Variants in CORO7 observed in about 807,000 individuals in gnomAD.
The protein encoded by CORO7 is coronin 7, also known as coronin-7.
A neutral mutation model predicts 126.6 loss-of-function variants in CORO7; 107 were observed. That is an observed-to-expected ratio of 0.85 (90% confidence interval 0.72 to 0.99). The LOEUF is 0.99. Ranked by LOEUF, CORO7 falls within the 50% of genes least tolerant of loss-of-function variation. The probability of loss-of-function intolerance (pLI) is 0.00; values close to 1 mark genes in which losing one functional copy is unlikely to be tolerated. For synonymous variants in CORO7, 603 were observed against 536.8 expected, an observed-to-expected ratio of 1.12 and a Z score of -1.70; for missense variants, 1,314 against 1,255.8, an observed-to-expected ratio of 1.05 and a Z score of -0.70.
intron 9 of CORO7, among the ~76,000 whole-genome samples, chr16:4,369,162 G>C (rs2054439715): frequency 6.6e-6 from 1 of 152,272 alleles, no homozygotes; most frequent in Admixed American, 6.5e-5. Context: ...CCTCTGACAG[G>C]TCAGGCCAGT....
intron 6 of CORO7, among the ~76,000 whole-genome samples, chr16:4,404,975 T>C (rs1286478236): frequency 6.6e-5 from 10 of 152,140 alleles, no homozygotes; most frequent in African/African-American, 2.4e-4. Context: ...AGCACCCGCC[T>C]GCCCCGCACC....
At chr16:4,388,122 G>T (rs1444251193) in intron 8 of CORO7, 54 bp from the exon 9 acceptor site, 2 of 1,568,984 alleles carry the variant, frequency 1.3e-6, no homozygotes, top group South Asian at 1.2e-5. Flanking sequence ...AGCCCCACCC[G>T]GGGGGCTCCC....
intron 19 of CORO7, 68 bp downstream of exon 19, chr16:4,360,875 G>A (rs2054154025): frequency 1.8e-5 from 6 of 342,040 alleles, no homozygotes; most frequent in African/African-American, 3.7e-5. Flanking sequence ...CTCACTGCTG[G>A]CCCCACCTCT....
In CORO7 at chr16:4,359,323, G is replaced by A; in HGVS notation, c.2313C>T (p.Asn771=). 6.2e-7 allele frequency: 1 copy of A among 1,611,692 alleles called. No homozygotes were observed. Among genetic ancestry groups the A allele is most frequent in the Non-Finnish European group, 8.5e-7 (1 of 1,179,362 alleles). Residue 771 remains asparagine, a synonymous_variant, in exon 23 of 28, where the codon AAC becomes AAT. Coordinates refer to ENST00000251166, the MANE Select transcript of CORO7 (RefSeq NM_024535.5). Reference sequence around the variant, plus strand: ...TGTGGGGGTCAGGCGACGTGAAGCTGTTGCACTCCAGGAAGAAAGGGGACT... The same window carrying A: ...TGTGGGGGTCAGGCGACGTGAAGCTATTGCACTCCAGGAAGAAAGGGGACT... ...LPESPFFLEC[N]SFTSPDPHKG...
rs535718866 is a variant in CORO7 at position 4,377,914 on chromosome 16, C to G, written c.785+10072G>C. On this transcript the variant is annotated intron_variant, in intron 9 of 27. Transcript: ENST00000251166. The stretch of plus-strand genomic sequence containing the variant: ...CCACAGTCCTGACCTAGACCCCTGT[C>G]CTGCTAACAGGAACGCACATTCCAC... 7.9e-5 allele frequency among the ~76,000 whole-genome samples: 12 copies of G among 152,316 alleles called. 1 individual carries two copies. The South Asian group carries it at 1.9e-3, about 24-fold the overall frequency.
chr16:4,390,592 C>T (rs917305), intron 7 of CORO7, among the ~76,000 whole-genome samples: 115,004 of 152,160 alleles, frequency 0.76, 43,690 homozygotes, highest in Non-Finnish European at 0.79. Context: ...ACGAGGGAGG[C>T]GGAGGCTGGG....
Position 4,380,751 on chromosome 16 carries a change from T to C in CORO7, c.785+7235A>G, listed in dbSNP as rs74003289. The C allele has an allele frequency of 1.4e-4, 162 of 1,157,040 alleles. No individual in the cohort carries two copies. The African/African-American group carries it at 2.2e-3, about 16-fold the overall frequency. 71.7% of individuals were successfully genotyped at this position (1,157,040 alleles called of 1,614,324 possible). A position where few individuals can be genotyped will look rare whatever the true frequency, so the allele number is the denominator to read the frequency against. ...GCACTGGCGACCTGACTCATAACCA[T>C]TGGGTTCTCTTGCATTTGGGGGCAG... is the stretch of plus-strand genomic sequence containing the variant. On this transcript the variant is annotated intron_variant, in intron 9 of 27. Coordinates refer to ENST00000251166, the MANE Select transcript of CORO7 (RefSeq NM_024535.5).
intron 9 of CORO7, among the ~76,000 whole-genome samples, chr16:4,377,022 C>A (rs964043675): frequency 2.0e-5 from 3 of 152,194 alleles, no homozygotes; most frequent in Non-Finnish European, 2.9e-5. Flanking sequence ...ACCCCAGACA[C>A]AGGCACCACG....
chr16:4,359,109 G>T, intron 23 of CORO7, 187 bp downstream of exon 23: 1 of 664,620 alleles, frequency 1.5e-6, no homozygotes, highest in South Asian at 2.0e-5. Flanking sequence ...TATGACAATG[G>T]CTCTCAAAAT....
intron 16 of CORO7, 143 bp from the exon 17 acceptor site, chr16:4,361,612 T>C (rs1255202430): frequency 9.9e-7 from 1 of 1,015,102 alleles, no homozygotes; most frequent in Non-Finnish European, 1.5e-6. Flanking sequence ...CTCTCTGCCC[T>C]GACCACCTTG....
At chr16:4,381,280 C>G (rs374474637) in intron 9 of CORO7, 5 of 1,611,528 alleles carry the variant, frequency 3.1e-6, no homozygotes, top group South Asian at 1.1e-5. Flanking sequence ...GGGCAAGAAC[C>G]GCATCCGCCA....
intron 6 of CORO7, among the ~76,000 whole-genome samples, chr16:4,403,891 AG>A (rs1291967650): frequency 3.3e-5 from 5 of 152,070 alleles, no homozygotes; most frequent in Non-Finnish European, 4.4e-5. Flanking sequence ...CTTCTCAGCC[AG>A]GGCTCATCCC....
At position 4,413,366 on chromosome 16, in the gene CORO7, T is replaced by C. The variant is rs1160442869; in HGVS notation, c.99A>G (p.Ser33=). The C allele has an allele frequency of 6.3e-7, 1 of 1,585,644 alleles. No individual in the cohort carries two copies. The highest frequency in any genetic ancestry group is 1.3e-5 in the African/African-American group (1 of 74,542). ...AGCTTGATTTGATGTGGTTCCTGCA[T>C]GAAGGGGCGGTTCCTGCTCGAATGT... ...ISDIRAGTAP[S]CRNHIKSSCS... Residue 33 remains serine, a synonymous_variant, in exon 2 of 28, where the codon TCA becomes TCG. Coordinates refer to ENST00000251166, the MANE Select transcript of CORO7 (RefSeq NM_024535.5).
chr16:4,362,159 G>T lies in CORO7; in HGVS notation c.1404C>A (p.Gly468=). ...GAGCATGGCGGAACTTGGAACTGGG[G>T]CCTGGCAGGTGGCAGGGACATGGAA... ...PSLRSLQSLL[G]PSSKFRHAQG... Residue 468 remains glycine (G), a splice_region_variant and synonymous_variant, in exon 16 of 28, where the codon GGC becomes GGA. Coordinates refer to ENST00000251166, the MANE Select transcript of CORO7 (RefSeq NM_024535.5). The surrounding 1 kb of genome is among the most constrained non-coding windows in gnomAD (Gnocchi z 5.3). The T allele has an allele frequency of 1.2e-6, 2 of 1,605,642 alleles. No individual in the cohort carries two copies. Among genetic ancestry groups the T allele is most frequent in the Non-Finnish European group, 1.7e-6 (2 of 1,176,882 alleles).
chr16:4,385,888 A>G (rs551767369), intron 9 of CORO7, among the ~76,000 whole-genome samples: 1 of 152,366 alleles, frequency 6.6e-6, no homozygotes, highest in Non-Finnish European at 1.5e-5. Flanking sequence ...GAAAATCTGT[A>G]AAACAGAAGA....
chr16:4,397,464 A>G (rs1185512947), intron 6 of CORO7: 1 of 151,888 alleles, frequency 6.6e-6, no homozygotes, highest in Admixed American at 6.6e-5. Context: ...AAAAAAAAAC[A>G]AAAAAGCTGC....
chr16:4,415,747 C>T, intron 1 of CORO7: 3 of 985,572 alleles, frequency 3.0e-6, no homozygotes, highest in Non-Finnish European at 3.6e-6. Flanking sequence ...GCAGAGCTGA[C>T]ATCGTTTCCA....
intron 6 of CORO7, among the ~76,000 whole-genome samples, chr16:4,405,193 C>A (rs887500733): frequency 1.2e-4 from 18 of 152,322 alleles, no homozygotes; most frequent in African/African-American, 4.1e-4. Context: ...GAAAGGCTGG[C>A]GGTTCAGACA....
chr16:4,360,855 C>T lies in CORO7; in HGVS notation c.1917+88G>A, dbSNP rs545853268. The T allele has an allele frequency of 2.9e-4, 445 of 1,519,922 alleles. 1 individual carries two copies. The highest frequency in any genetic ancestry group is 2.3e-4 in the Non-Finnish European group (263 of 1,135,282). The allele number at this position is 1,519,922 out of a possible 1,614,324, so 94.2% of individuals were successfully genotyped here. A position where few individuals can be genotyped will look rare whatever the true frequency, so the allele number is the denominator to read the frequency against. ...GGTCCTGCCTCTCCTCACTGCTGGC[C>T]CCGCCACTCCTCACTGCTGGCCCCA... is the stretch of plus-strand genomic sequence containing the variant. On this transcript the variant is annotated intron_variant, in intron 19 of 27. Coordinates refer to ENST00000251166, the MANE Select transcript of CORO7 (RefSeq NM_024535.5).
Sources: gnomAD v4.1 joint callset for allele counts (sites outside exome capture counted in the v4.1 genomes callset) on GRCh38, gnomAD v4.1.1 for gene constraint, Gnocchi (gnomAD v3.1) non-coding constraint, MANE v1.5 for transcripts, NCBI Gene and HGNC (gene_info 2026-07-23, HGNC 2026-07-21) for gene names.